Variants in CDH18 observed in about 807,000 individuals in gnomAD.
CDH18 encodes cadherin-18.
A neutral mutation model predicts 67.9 loss-of-function variants in CDH18; 31 were observed. The ratio of observed to expected loss-of-function variants is 0.46; its 90% CI spans 0.34 to 0.62. CDH18 has a LOEUF of 0.62. Ranked by LOEUF, CDH18 falls within the 20% of genes least tolerant of loss-of-function variation. CDH18 has a pLI of 0.01. For missense variants in CDH18, 890 were observed against 975.5 expected, an observed-to-expected ratio of 0.91 and a Z score of 1.17; for synonymous variants, 362 against 347.2, an observed-to-expected ratio of 1.04 and a Z score of -0.48.
intron 5 of CDH18, among the ~76,000 whole-genome samples, chr5:19,701,540 TC>T (rs930499263): frequency 1.3e-5 from 2 of 152,132 alleles, no homozygotes; most frequent in Non-Finnish European, 1.5e-5. Flanking sequence ...TGGTCATAGA[TC>T]ACAATTATCT....
intron 8 of CDH18, among the ~76,000 whole-genome samples, chr5:19,544,744 C>A (rs1398923167): frequency 6.6e-6 from 1 of 152,144 alleles, no homozygotes; most frequent in Non-Finnish European, 1.5e-5. Context: ...TCCTATGCCA[C>A]TGCCACAGGA....
At chr5:20,251,104 A>G (rs1580586951) in intron 2 of CDH18, among the ~76,000 whole-genome samples, 2 of 152,194 alleles carry the variant, frequency 1.3e-5, no homozygotes, top group East Asian at 3.9e-4. Flanking sequence ...CCCTTCTGAA[A>G]TTGTGCTAAG....
At chr5:19,478,561 C>T (rs1738880369) in intron 12 of CDH18, 1 of 152,190 alleles carries the variant, frequency 6.6e-6, no homozygotes, top group African/African-American at 2.4e-5. Context: ...TTCACACCAA[C>T]TCCATTCTGA....
intron 2 of CDH18, among the ~76,000 whole-genome samples, chr5:20,081,397 G>A (rs1189615305): frequency 1.3e-5 from 2 of 152,094 alleles, no homozygotes; most frequent in African/African-American, 4.8e-5. Context: ...GTTAGAGAGA[G>A]GTTTGGTTTA....
chr5:20,033,204 T>A (rs73762484), intron 2 of CDH18, among the ~76,000 whole-genome samples: 11,609 of 147,116 alleles, frequency 0.079, 711 homozygotes, highest in African/African-American at 0.17. Context: ...TCTTCCTTTT[T>A]AAAAAAAAAA....
Position 20,303,986 on chromosome 5 carries a change from C to T in CDH18, c.-579-48481G>A, listed in dbSNP as rs1736180402. On this transcript the variant is annotated intron_variant, in intron 1 of 14. Coordinates refer to the CDH18 transcript ENST00000507958. ...TCAAAGAAGAGAAGAAAAACTAAGT[C>T]GAAGGGATGGTGGAAGAAGCAGCAA... 4 of 945,572 alleles carry T rather than the reference C, an allele frequency of 4.2e-6. No individual in the cohort carries two copies. In the Admixed American group the frequency reaches 5.4e-5, roughly 13 times the overall value. 58.6% of individuals were successfully genotyped at this position (945,572 alleles called of 1,614,324 possible). A position where few individuals can be genotyped will look rare whatever the true frequency, so the allele number is the denominator to read the frequency against.
At chr5:20,320,460 T>G (rs1487970370) in intron 1 of CDH18, among the ~76,000 whole-genome samples, 1 of 152,166 alleles carries the variant, frequency 6.6e-6, no homozygotes, top group Non-Finnish European at 1.5e-5. Flanking sequence ...CTGAAACTCT[T>G]TCCCTAACTC....
intron 2 of CDH18, among the ~76,000 whole-genome samples, chr5:19,932,266 A>C (rs1056372349): frequency 6.6e-6 from 1 of 151,800 alleles, no homozygotes; most frequent in African/African-American, 2.4e-5. Flanking sequence ...AAATGTATCA[A>C]CATGGGAAAG....
intron 2 of CDH18, among the ~76,000 whole-genome samples, chr5:20,183,902 T>C (rs541774113): frequency 3.9e-5 from 6 of 152,126 alleles, no homozygotes; most frequent in Non-Finnish European, 7.4e-5. Flanking sequence ...TTTTATCTAA[T>C]GAATCTTCCT....
intron 1 of CDH18, among the ~76,000 whole-genome samples, chr5:20,510,876 C>CA (rs1014639765): frequency 3.3e-5 from 5 of 151,122 alleles, no homozygotes; most frequent in South Asian, 4.2e-4. Flanking sequence ...ATAGAAAATC[C>CA]AAAAAAAATG....
chr5:20,149,709 A>T (rs751472772), intron 2 of CDH18, among the ~76,000 whole-genome samples: 1 of 152,168 alleles, frequency 6.6e-6, no homozygotes, highest in Non-Finnish European at 1.5e-5. Flanking sequence ...GGGAAATTTG[A>T]AGGCTTAATC....
intron 2 of CDH18, among the ~76,000 whole-genome samples, chr5:19,877,028 C>A (rs1481718318): frequency 6.6e-6 from 1 of 152,044 alleles, no homozygotes; most frequent in African/African-American, 2.4e-5. Context: ...GAAGGCTGAG[C>A]CACAGTAGAA....
At chr5:19,488,586 A>T (rs934635305) in intron 11 of CDH18, among the ~76,000 whole-genome samples, 1 of 152,168 alleles carries the variant, frequency 6.6e-6, no homozygotes, top group Non-Finnish European at 1.5e-5. Context: ...GCAGAAATAG[A>T]ATCTATTCAT....
intron 2 of CDH18, among the ~76,000 whole-genome samples, chr5:20,207,695 T>A (rs1740016731): frequency 6.6e-6 from 1 of 152,086 alleles, no homozygotes; most frequent in Non-Finnish European, 1.5e-5. Flanking sequence ...TCCCACAACA[T>A]GTGAAAATTA....
At chr5:19,712,571 G>C (rs1222667539) in intron 5 of CDH18, among the ~76,000 whole-genome samples, 1 of 151,432 alleles carries the variant, frequency 6.6e-6, no homozygotes, top group Non-Finnish European at 1.5e-5. Flanking sequence ...AAGATCAATA[G>C]ACTAAGTGAA....
intron 2 of CDH18, among the ~76,000 whole-genome samples, chr5:19,843,579 T>C (rs72740846): frequency 0.033 from 4,993 of 152,302 alleles, 125 homozygotes; most frequent in Non-Finnish European, 0.052. Flanking sequence ...ACCCCCGACA[T>C]AGAGTTCCCA....
At chr5:19,821,021 C>G (rs561039067) in intron 3 of CDH18, among the ~76,000 whole-genome samples, 3 of 152,094 alleles carry the variant, frequency 2.0e-5, no homozygotes, top group Non-Finnish European at 4.4e-5. Context: ...GACATTGGCA[C>G]AAAAACTCCA....
Position 19,820,958 on chromosome 5 carries a change from C to T in CDH18, c.228+17801G>A, listed in dbSNP as rs955785002. Among the ~76,000 whole-genome samples the T allele has an allele frequency of 2.0e-5, 3 of 152,092 alleles. No homozygotes were observed. The East Asian group carries it at 5.8e-4, about 29-fold the overall frequency. The stretch of plus-strand genomic sequence containing the variant: ...AAAATAAAACCAAAAAGCTTCATCG[C>T]AATAACAGAAACTTCAAAAAAATAA... On this transcript the variant is annotated intron_variant, in intron 3 of 12. Coordinates refer to ENST00000382275, the MANE Select transcript of CDH18 (RefSeq NM_004934.5).
At chr5:20,351,251 G>GT (rs67108487) in intron 1 of CDH18, among the ~76,000 whole-genome samples, 168 of 142,752 alleles carry the variant, frequency 1.2e-3, no homozygotes, top group South Asian at 2.0e-3. Context: ...CATGGGGGTT[G>GT]TTTTTTTTTT....
Sources: gnomAD v4.1 joint callset for allele counts (sites outside exome capture counted in the v4.1 genomes callset) on GRCh38, gnomAD v4.1.1 for gene constraint, MANE v1.5 for transcripts, NCBI Gene and HGNC (gene_info 2026-07-23, HGNC 2026-07-21) for gene names.